Variants in DYSF observed in about 807,000 individuals in gnomAD.
DYSF encodes the protein dysferlin, also known as dystrophy-associated fer-1-like 1.
Under a neutral mutation model 274.9 loss-of-function variants are expected in DYSF, and 212 were observed. The observed-to-expected ratio is 0.77, with a 90% CI of 0.69 to 0.86. The LOEUF (loss-of-function observed/expected upper bound fraction) is 0.86, where lower values mean the gene tolerates loss of function less well. Among genes scored for constraint, DYSF ranks in the 40% least tolerant of loss-of-function variants. DYSF has a pLI of 0.00. For synonymous variants in DYSF, 1,091 were observed against 1,078.7 expected (o/e 1.01, Z -0.22); for missense variants, 2,666 against 2,783.2 (o/e 0.96, Z 0.95).
At position 71,528,250 on chromosome 2, in the gene DYSF, A is replaced by G. The variant is rs4852800; in HGVS notation, c.1277-48A>G. On this transcript the variant is annotated intron_variant, in intron 13 of 55. Coordinates refer to ENST00000410020, the MANE Select transcript of DYSF (RefSeq NM_001130987.2). ...ACAGATGGGGGACAGTCAGGGTTTTAGAGGAGAGACAGCAGGCAGGCAGTG... is the reference window on the plus strand; with the variant it reads ...ACAGATGGGGGACAGTCAGGGTTTTGGAGGAGAGACAGCAGGCAGGCAGTG... 1,222,263 of 1,536,098 alleles carry G rather than the reference A, an allele frequency of 0.8. 497,897 individuals are homozygous for G. Among genetic ancestry groups the G allele is most frequent in the African/African-American group, 0.89 (65,454 of 73,610 alleles).
intron 7 of DYSF, among the ~76,000 whole-genome samples, chr2:71,515,341 A>G (rs1277799237): frequency 1.3e-5 from 2 of 152,194 alleles, no homozygotes; most frequent in African/African-American, 2.4e-5. Flanking sequence ...GCTGAATGAC[A>G]TAAATGGGGG....
intron 30 of DYSF, among the ~76,000 whole-genome samples, chr2:71,580,727 G>C (rs1209993403): frequency 6.6e-6 from 1 of 152,180 alleles, no homozygotes; most frequent in Non-Finnish European, 1.5e-5. Flanking sequence ...CGGCTTGAGG[G>C]CTGGATCTCC....
At chr2:71,619,241 A>C (rs1339814908) in intron 40 of DYSF, among the ~76,000 whole-genome samples, 1 of 152,092 alleles carries the variant, frequency 6.6e-6, no homozygotes, top group African/African-American at 2.4e-5. Context: ...CTGGCCAGCT[A>C]GGGGTGGCAC....
At chr2:71,532,732 TG>T (rs56962726) in intron 14 of DYSF, among the ~76,000 whole-genome samples, 2,666 of 152,292 alleles carry the variant, frequency 0.018, 72 homozygotes, top group African/African-American at 0.061. Context: ...TCCAGGGACC[TG>T]GGGCACAGAG....
chr2:71,661,949 G>A (rs1558759303), intron 45 of DYSF, among the ~76,000 whole-genome samples: 2 of 152,088 alleles, frequency 1.3e-5, no homozygotes, highest in African/African-American at 4.8e-5. Context: ...AGGGGCTGGC[G>A]AGCTCCAGGG....
At chr2:71,562,139 A>G (rs6705451) in intron 23 of DYSF, among the ~76,000 whole-genome samples, 195 bp downstream of exon 23, 1 of 152,214 alleles carries the variant, frequency 6.6e-6, no homozygotes, top group Non-Finnish European at 1.5e-5. Context: ...ACGATGGAAT[A>G]CTGGGTGTTA....
chr2:71,664,293 C>T lies in DYSF; in HGVS notation c.5029C>T (p.Pro1677Ser), dbSNP rs2094956598. 1.2e-6 allele frequency: 2 copies of T among 1,614,168 alleles called. No individual in the cohort carries two copies. Among genetic ancestry groups the T allele is most frequent in the Non-Finnish European group, 1.7e-6 (2 of 1,180,004 alleles). Residue 1677 changes from proline (P) to serine (S), a missense_variant, in exon 46 of 56, where the codon CCT (proline) becomes TCT (serine). Coordinates refer to ENST00000410020, the MANE Select transcript of DYSF (RefSeq NM_001130987.2). ...GATGTTCGAGCTGACCTGCACTCTG[C>T]CTCTGGAGAAGGACCTAAAGATCAC... ...GKMFELTCTLPLEKDLKITLY... is the reference protein window; with the variant it reads ...GKMFELTCTLSLEKDLKITLY...
intron 35 of DYSF, chr2:71,602,543 A>G (rs2093571467): frequency 3.9e-6 from 2 of 508,346 alleles, no homozygotes; most frequent in East Asian, 6.9e-5. Flanking sequence ...GTCCCTCTGC[A>G]CTGACATCCA....
At chr2:71,525,615 A>G (rs1213578950) in intron 12 of DYSF, among the ~76,000 whole-genome samples, 1 of 152,226 alleles carries the variant, frequency 6.6e-6, no homozygotes, top group Non-Finnish European at 1.5e-5. Flanking sequence ...ATACACATCA[A>G]TGCATGTGGG....
chr2:71,674,201 C>G lies in DYSF; in HGVS notation c.5789C>G (p.Ala1930Gly), dbSNP rs1346535569. The change falls in exon 52 of 56, where the codon GCC becomes GGC. Residue 1930 changes from alanine (A) to glycine (G), a missense_variant. Ala to Gly is a moderately conservative substitution (Grantham distance 60, BLOSUM62 0). Coordinates refer to ENST00000410020, the MANE Select transcript of DYSF (RefSeq NM_001130987.2). The stretch of plus-strand genomic sequence containing the variant: ...TCTGTTCCTCTTCCGGGTCAGGATG[C>G]CTTCTGGAGGCTGGACAAGACTGAG... ...EQVCTIAKKD[A>G]FWRLDKTESK... 4.3e-6 allele frequency: 7 copies of G among 1,613,998 alleles called. No homozygotes were observed. The highest frequency in any genetic ancestry group is 3.3e-5 in the Admixed American group (2 of 60,006).
intron 24 of DYSF, among the ~76,000 whole-genome samples, chr2:71,564,999 C>T (rs1388526210): frequency 6.6e-6 from 1 of 152,196 alleles, no homozygotes; most frequent in African/African-American, 2.4e-5. Context: ...CTGCCCAGGC[C>T]CAAGGGAGGG....
intron 22 of DYSF, among the ~76,000 whole-genome samples, chr2:71,559,881 A>T (rs889697990): frequency 6.6e-6 from 1 of 152,240 alleles, no homozygotes; most frequent in African/African-American, 2.4e-5. Context: ...GCTGTTGCTC[A>T]CTAGGAGTGA....
rs1447389920 is a variant in DYSF at position 71,482,074 on chromosome 2, T to G, written c.239+104T>G. The stretch of plus-strand genomic sequence containing the variant: ...GGCCCCAGGGAGCTGGGGTTTCAAT[T>G]AGCATTTATCCACCTCCTCCCATGG... On this transcript the variant is annotated intron_variant, in intron 3 of 55. Transcript: ENST00000410020. 1.7e-5 allele frequency: 15 copies of G among 909,008 alleles called. No homozygotes were observed. In the East Asian group the frequency reaches 3.3e-4, roughly 20 times the overall value. The allele number at this position is 909,008 out of a possible 1,614,324, so 56.3% of individuals were successfully genotyped here. A position where few individuals can be genotyped will look rare whatever the true frequency, so the allele number is the denominator to read the frequency against.
At chr2:71,652,561 GTAAGT>G (rs2094684604) in intron 42 of DYSF, among the ~76,000 whole-genome samples, 1 of 152,204 alleles carries the variant, frequency 6.6e-6, no homozygotes, top group South Asian at 2.1e-4. Context: ...AAAGTCTTGT[GTAAGT>G]TAAGAATCAG....
In DYSF at chr2:71,480,921, A is replaced by G; in HGVS notation, c.130A>G (p.Asn44Asp). 6.2e-7 allele frequency: 1 copy of G among 1,614,182 alleles called. No individual in the cohort carries two copies. The highest frequency in any genetic ancestry group is 8.5e-7 in the Non-Finnish European group (1 of 1,179,984). The change falls in exon 2 of 56, where the codon AAC (asparagine) becomes GAC (aspartate). Residue 44 changes from asparagine (N) to aspartate (D), a missense_variant. Asn to Asp is a conservative substitution (Grantham distance 23). Transcript: ENST00000410020. ...AACCAAAGTCATCAAGAACAGCGTG[A>G]ACCCTGTATGGAATGAGGTATGTGA... ...KRTKVIKNSV[N>D]PVWNEGFEWD...
At chr2:71,541,627 GCTT>G (rs2089938247) in intron 17 of DYSF, among the ~76,000 whole-genome samples, 1 of 151,316 alleles carries the variant, frequency 6.6e-6, no homozygotes, top group Admixed American at 6.6e-5. Flanking sequence ...TAACTTTATA[GCTT>G]CTTGTCTTTA....
intron 55 of DYSF, among the ~76,000 whole-genome samples, chr2:71,686,118 T>C (rs1198314629): frequency 6.6e-6 from 1 of 152,160 alleles, no homozygotes; most frequent in African/African-American, 2.4e-5. Context: ...AGCTGGAACC[T>C]GGAAATGGGC....
intron 45 of DYSF, among the ~76,000 whole-genome samples, chr2:71,662,936 A>ATG (rs200134177): frequency 1.2e-3 from 35 of 28,998 alleles, no homozygotes; most frequent in Admixed American, 2.0e-3. Flanking sequence ...ACGTATGTGC[A>ATG]TGTGTGTGTG....
At chr2:71,543,902 C>T (rs1359956404) in intron 17 of DYSF, among the ~76,000 whole-genome samples, 3 of 113,584 alleles carry the variant, frequency 2.6e-5, no homozygotes, top group East Asian at 2.5e-4. Flanking sequence ...AGAGGGAGAC[C>T]GTGGGGAGAG....
Sources: gnomAD v4.1 joint callset for allele counts (sites outside exome capture counted in the v4.1 genomes callset) on GRCh38, gnomAD v4.1.1 for gene constraint, MANE v1.5 for transcripts, NCBI Gene and HGNC (gene_info 2026-07-23, HGNC 2026-07-21) for gene names.